KLHL12: variants seen among roughly 807,000 people sequenced by gnomAD.
KLHL12 encodes the protein kelch-like protein 12.
In KLHL12, 17 loss-of-function variants were observed where a neutral mutation model predicts 60.8. The observed-to-expected ratio is 0.28, with a 90% CI of 0.19 to 0.42. The LOEUF (loss-of-function observed/expected upper bound fraction) is 0.42. KLHL12 is among the 10% of genes least tolerant of loss of function. The pLI is 1.00. For missense variants in KLHL12, 468 were observed against 722.3 expected, an observed-to-expected ratio of 0.65 and a Z score of 4.04; for synonymous variants, 220 against 250.9, an observed-to-expected ratio of 0.88 and a Z score of 1.16.
intron 1 of KLHL12, 23 bp downstream of exon 1, chr1:202,927,066 G>A: frequency 1.0e-6 from 1 of 985,322 alleles, no homozygotes; most frequent in Non-Finnish European, 1.2e-6. Flanking sequence ...AGGGCTGACT[G>A]CCATCACTTC....
upstream of KLHL12, chr1:202,927,293 G>T (rs1288290045): frequency 2.4e-5 from 23 of 956,234 alleles, no homozygotes; most frequent in Non-Finnish European, 2.7e-5. Context: ...CCCTCCCCCC[G>T]CTCCAGAGTC....
At chr1:202,925,271 T>C in intron 1 of KLHL12, 64 bp from the exon 2 acceptor site, 2 of 1,510,056 alleles carry the variant, frequency 1.3e-6, no homozygotes, top group South Asian at 2.7e-5. Context: ...ACATATTTAA[T>C]TAGCTTTACA....
At position 202,906,263 on chromosome 1, in the gene KLHL12, G is replaced by A. The variant is rs535808501; in HGVS notation, c.832+2747C>T. On this transcript the variant is annotated intron_variant, in intron 6 of 11. Transcript: ENST00000367261. The stretch of plus-strand genomic sequence containing the variant: ...ACGTCAGGAGTCCGAGACCAGCCTG[G>A]CCAACGTGGTGAAACCCCGTCTCTA... Among the ~76,000 whole-genome samples, 214 of 150,004 alleles carry A rather than the reference G, an allele frequency of 1.4e-3. 1 individual carries two copies. Among genetic ancestry groups the A allele is most frequent in the African/African-American group, 4.8e-3 (197 of 41,080 alleles).
At chr1:202,912,619 A>C in intron 4 of KLHL12, 1 of 1,341,466 alleles carries the variant, frequency 7.5e-7, no homozygotes, top group South Asian at 1.2e-5. Context: ...TTGGAGGCAG[A>C]AGCTCTGGGC....
chr1:202,916,465 T>A (rs1341618474), intron 4 of KLHL12, among the ~76,000 whole-genome samples: 1 of 152,134 alleles, frequency 6.6e-6, no homozygotes, highest in Non-Finnish European at 1.5e-5. Context: ...GCCACAATAG[T>A]GAAACTCCGT....
rs531369099 is a variant in KLHL12 at position 202,909,908 on chromosome 1, G to A, written c.718-784C>T. 2.0e-5 allele frequency among the ~76,000 whole-genome samples: 3 copies of A among 152,138 alleles called. No homozygotes were observed. The highest frequency in any genetic ancestry group is 4.2e-4 in the South Asian group (2 of 4,812). ...TCTTTTGTTGTTTCTCTGAACTTGC[G>A]CCTTTGTAAACAGCTTCTTTATTAA... is the stretch of plus-strand genomic sequence containing the variant. On this transcript the variant is annotated intron_variant, in intron 5 of 11. Coordinates refer to ENST00000367261, the MANE Select transcript of KLHL12 (RefSeq NM_021633.4). The surrounding 1 kb of genome is among the most constrained non-coding windows in gnomAD (Gnocchi z 4.1).
chr1:202,921,255 A>T (rs929412413), intron 2 of KLHL12, among the ~76,000 whole-genome samples: 11 of 151,650 alleles, frequency 7.3e-5, no homozygotes, highest in African/African-American at 2.7e-4. Context: ...GCTCACTTCA[A>T]GCTCCACCTC....
intron 3 of KLHL12, 92 bp downstream of exon 3, chr1:202,919,663 T>C (rs1660625760): frequency 8.1e-7 from 1 of 1,231,330 alleles, no homozygotes; most frequent in African/African-American, 1.5e-5. Flanking sequence ...ATAGTTTGTC[T>C]CCAAAATGTT....
At chr1:202,905,524 T>A (rs532295855) in intron 6 of KLHL12, among the ~76,000 whole-genome samples, 2 of 152,190 alleles carry the variant, frequency 1.3e-5, no homozygotes, top group Admixed American at 1.3e-4. Flanking sequence ...AAATGTCTTA[T>A]CTCCTAGTGC....
Position 202,909,001 on chromosome 1 carries a change from C to G in KLHL12, c.832+9G>C. On this transcript the variant is annotated intron_variant, in intron 6 of 11. Transcript: ENST00000367261. This position sits in a 1 kb window ranked among gnomAD's most constrained non-coding sequence, Gnocchi z 4.1. ...AGCATCCCCTCATTCTGCCGAGATA[C>G]CAGCTTACCTAGGCGAGCCCTTGTC... 6.3e-7 allele frequency: 1 copy of G among 1,575,416 alleles called. No homozygotes were observed. The highest frequency in any genetic ancestry group is 8.7e-7 in the Non-Finnish European group (1 of 1,145,186).
At chr1:202,903,488 CT>C (rs1461266810) in intron 6 of KLHL12, among the ~76,000 whole-genome samples, 1 of 145,500 alleles carries the variant, frequency 6.9e-6, no homozygotes, top group Non-Finnish European at 1.5e-5. Flanking sequence ...GAGACAAGGT[CT>C]TGCTCTGCTG....
upstream of KLHL12, among the ~76,000 whole-genome samples, chr1:202,928,289 G>C (rs112465758): frequency 0.011 from 1,348 of 127,692 alleles, 21 homozygotes; most frequent in African/African-American, 0.035. Context: ...AAAAAAAAAA[G>C]AAAAAAGAAA....
intron 6 of KLHL12, among the ~76,000 whole-genome samples, chr1:202,900,978 G>A (rs764910797): frequency 2.0e-5 from 3 of 152,000 alleles, no homozygotes; most frequent in Non-Finnish European, 4.4e-5. Flanking sequence ...CCTGGGAGGC[G>A]GAGGTTGCAG....
chr1:202,891,567 A>C lies in KLHL12; in HGVS notation c.*966T>G, dbSNP rs1659677162. On this transcript the variant is annotated 3_prime_UTR_variant, in exon 12 of 12. Coordinates refer to ENST00000367261, the MANE Select transcript of KLHL12 (RefSeq NM_021633.4). Reference sequence around the variant, plus strand: ...TCACTCCCAGCCCATCCCCAAATAAATAGTGTGGAAGTGTAATAGTGTAGT... The same window carrying C: ...TCACTCCCAGCCCATCCCCAAATAACTAGTGTGGAAGTGTAATAGTGTAGT... 6.6e-6 allele frequency: 1 copy of C among 152,228 alleles called. No individual in the cohort carries two copies. The highest frequency in any genetic ancestry group is 1.5e-5 in the Non-Finnish European group (1 of 68,052). 9.4% of individuals were successfully genotyped at this position (152,228 alleles called of 1,614,324 possible).
At chr1:202,920,360 T>C (rs1660649415) in intron 2 of KLHL12, among the ~76,000 whole-genome samples, 2 of 141,772 alleles carry the variant, frequency 1.4e-5, no homozygotes, top group Admixed American at 1.5e-4. Context: ...TTATGCTCTA[T>C]TTTGTTGGAT....
At chr1:202,928,559 T>C (rs1461558386), upstream of KLHL12, 1 of 1,303,844 alleles carries the variant, frequency 7.7e-7, no homozygotes, top group Middle Eastern at 2.1e-4. Flanking sequence ...TTGTCCACAA[T>C]GGCCTTTTCG....
At chr1:202,897,069 G>T in intron 6 of KLHL12, 109 bp from the exon 7 acceptor site, 1 of 822,040 alleles carries the variant, frequency 1.2e-6, no homozygotes, top group Non-Finnish European at 2.1e-6. Flanking sequence ...GTTTTATGTG[G>T]CTGAGGGATG....
chr1:202,916,721 G>A (rs1461639345), intron 4 of KLHL12, among the ~76,000 whole-genome samples: 1 of 152,158 alleles, frequency 6.6e-6, no homozygotes, highest in African/African-American at 2.4e-5. Flanking sequence ...AAGTATATTA[G>A]AGGCTTTCTT....
At chr1:202,894,919 T>C (rs1458458532) in intron 8 of KLHL12, among the ~76,000 whole-genome samples, 170 bp from the exon 9 acceptor site, 1 of 152,090 alleles carries the variant, frequency 6.6e-6, no homozygotes, top group African/African-American at 2.4e-5. Flanking sequence ...CTAAAAAGAA[T>C]GGGGTAAAAC....
Sources: gnomAD v4.1 joint callset for allele counts (sites outside exome capture counted in the v4.1 genomes callset) on GRCh38, gnomAD v4.1.1 for gene constraint, Gnocchi (gnomAD v3.1) non-coding constraint, MANE v1.5 for transcripts, NCBI Gene and HGNC (gene_info 2026-07-23, HGNC 2026-07-21) for gene names.